ADGRL3: variants seen among roughly 807,000 people sequenced by gnomAD.
The protein encoded by ADGRL3 is calcium-independent alpha-latrotoxin receptor 3.
Under a neutral mutation model 153.5 loss-of-function variants are expected in ADGRL3, and 62 were observed. That is an observed-to-expected ratio of 0.40 (90% confidence interval 0.33 to 0.50). The LOEUF is 0.50. Ranked by LOEUF, ADGRL3 falls within the 20% of genes least tolerant of loss-of-function variation. The probability of loss-of-function intolerance (pLI) is 0.47; values close to 1 mark genes in which losing one functional copy is unlikely to be tolerated. For missense variants in ADGRL3, 1,641 were observed against 1,859.4 expected, an observed-to-expected ratio of 0.88 and a Z score of 2.16; for synonymous variants, 710 against 672.5, an observed-to-expected ratio of 1.06 and a Z score of -0.86.
chr4:62,015,951 G>T (rs1025243882), intron 21 of ADGRL3, among the ~76,000 whole-genome samples: 1 of 151,634 alleles, frequency 6.6e-6, no homozygotes, highest in Non-Finnish European at 1.5e-5. Flanking sequence ...TAAGGTATAC[G>T]CTTTCAAAGT....
intron 8 of ADGRL3, among the ~76,000 whole-genome samples, chr4:61,768,971 G>A (rs2097044945): frequency 6.6e-6 from 1 of 151,738 alleles, no homozygotes; most frequent in Non-Finnish European, 1.5e-5. Context: ...AAGAGGTTGG[G>A]GTGTGGAAAT....
chr4:62,007,381 T>TATATATATATATATATATATAC (rs1553908589), intron 21 of ADGRL3, among the ~76,000 whole-genome samples: 1 of 9,316 alleles, frequency 1.1e-4, no homozygotes, highest in East Asian at 0.012. Flanking sequence ...TATATATATA[T>TATATATATATATATATATATAC]ATACACACAC....
At chr4:61,921,531 C>T (rs999748760) in intron 13 of ADGRL3, among the ~76,000 whole-genome samples, 1 of 152,088 alleles carries the variant, frequency 6.6e-6, no homozygotes, top group African/African-American at 2.4e-5. Context: ...CGCTTCTCTC[C>T]CAAGTAGCTG....
intron 1 of ADGRL3, among the ~76,000 whole-genome samples, chr4:61,263,622 G>A (rs1194519240): frequency 6.6e-6 from 1 of 152,000 alleles, no homozygotes; most frequent in Non-Finnish European, 1.5e-5. Context: ...TAAATGATAT[G>A]TGATGTGCTG....
intron 4 of ADGRL3, among the ~76,000 whole-genome samples, chr4:61,548,851 G>GT (rs1056450878): frequency 6.6e-6 from 1 of 151,534 alleles, no homozygotes; most frequent in Non-Finnish European, 1.5e-5. Context: ...TGGTTCCCTA[G>GT]TTTTTTTTCT....
intron 1 of ADGRL3, among the ~76,000 whole-genome samples, chr4:61,365,816 T>C (rs1322362745): frequency 6.6e-6 from 1 of 152,158 alleles, no homozygotes; most frequent in Non-Finnish European, 1.5e-5. Context: ...CAGAAAAAAA[T>C]GAGAATTTCT....
At chr4:61,539,538 G>C (rs190366271) in intron 4 of ADGRL3, among the ~76,000 whole-genome samples, 1 of 152,296 alleles carries the variant, frequency 6.6e-6, no homozygotes, top group East Asian at 1.9e-4. Flanking sequence ...TTTTTGTAGG[G>C]GATCAGGTGA....
chr4:61,266,391 C>T (rs1578042722), intron 1 of ADGRL3, among the ~76,000 whole-genome samples: 1 of 151,800 alleles, frequency 6.6e-6, no homozygotes, highest in Non-Finnish European at 1.5e-5. Flanking sequence ...GCAGAACAAA[C>T]AGCTGACTTA....
chr4:61,760,112 A>G (rs901562560), intron 8 of ADGRL3, among the ~76,000 whole-genome samples: 1 of 152,130 alleles, frequency 6.6e-6, no homozygotes, highest in African/African-American at 2.4e-5. Flanking sequence ...GGGGTCAGGG[A>G]CCCACTTGAG....
chr4:61,212,953 C>A (rs1740818471), intron 1 of ADGRL3, among the ~76,000 whole-genome samples: 1 of 152,026 alleles, frequency 6.6e-6, no homozygotes, highest in Non-Finnish European at 1.5e-5. Flanking sequence ...TGCTGGGCTG[C>A]AGACAGTAGT....
intron 1 of ADGRL3, among the ~76,000 whole-genome samples, chr4:61,252,823 T>C (rs2091582619): frequency 6.6e-6 from 1 of 152,166 alleles, no homozygotes; most frequent in African/African-American, 2.4e-5. Flanking sequence ...TACTGTCTTC[T>C]GCTCATCATG....
intron 4 of ADGRL3, among the ~76,000 whole-genome samples, chr4:61,544,397 CTT>C: frequency 6.6e-6 from 1 of 152,134 alleles, no homozygotes; most frequent in Non-Finnish European, 1.5e-5. Context: ...TCTTTATAGT[CTT>C]TACCTATTTT....
intron 4 of ADGRL3, among the ~76,000 whole-genome samples, chr4:61,566,520 C>T (rs998950578): frequency 2.0e-5 from 3 of 151,876 alleles, no homozygotes; most frequent in Non-Finnish European, 4.4e-5. Context: ...TTTCCTCTGG[C>T]AGGTTTGTAC....
At position 61,803,545 on chromosome 4, in the gene ADGRL3, G is replaced by A. The variant is rs368261055; in HGVS notation, c.1400-10264G>A. Reference sequence around the variant, plus strand: ...ACTCACTCTTTCTTTGCTTTAGTAAGAGCTACCTTGAAATGTCATGATATT... The same window carrying A: ...ACTCACTCTTTCTTTGCTTTAGTAAAAGCTACCTTGAAATGTCATGATATT... On this transcript the variant is annotated intron_variant, in intron 8 of 26. Coordinates refer to ENST00000683033, the MANE Select transcript of ADGRL3 (RefSeq NM_001387552.1). 7.9e-5 allele frequency among the ~76,000 whole-genome samples: 12 copies of A among 152,078 alleles called. No homozygotes were observed. The East Asian group carries it at 9.7e-4, about 12-fold the overall frequency.
intron 8 of ADGRL3, 131 bp downstream of exon 8, chr4:61,733,685 T>C: frequency 1.5e-6 from 1 of 686,418 alleles, no homozygotes; most frequent in East Asian, 2.7e-5. Context: ...TTCTTTGTCT[T>C]TGCATCTAAA....
chr4:61,328,571 G>A (rs1187164989), intron 1 of ADGRL3, among the ~76,000 whole-genome samples: 1 of 152,056 alleles, frequency 6.6e-6, no homozygotes, highest in African/African-American at 2.4e-5. Context: ...GAAAATAGCT[G>A]CAAGTATAGA....
intron 1 of ADGRL3, among the ~76,000 whole-genome samples, chr4:61,350,261 A>C (rs1267882815): frequency 6.6e-6 from 1 of 151,964 alleles, no homozygotes; most frequent in Non-Finnish European, 1.5e-5. Flanking sequence ...TTGGACTTTG[A>C]ATTCTGTACA....
At chr4:61,892,398 G>T (rs1162906951) in intron 9 of ADGRL3, among the ~76,000 whole-genome samples, 2 of 152,054 alleles carry the variant, frequency 1.3e-5, no homozygotes, top group Admixed American at 6.6e-5. Context: ...TTTTGTTTCT[G>T]GGATTTGAGT....
At chr4:62,009,848 G>T (rs777664219) in intron 21 of ADGRL3, among the ~76,000 whole-genome samples, 2 of 152,038 alleles carry the variant, frequency 1.3e-5, no homozygotes, top group Non-Finnish European at 2.9e-5. Context: ...TTTTGCTCAG[G>T]CCACTACAAA....
Sources: gnomAD v4.1 joint callset for allele counts (sites outside exome capture counted in the v4.1 genomes callset) on GRCh38, gnomAD v4.1.1 for gene constraint, MANE v1.5 for transcripts, NCBI Gene and HGNC (gene_info 2026-07-23, HGNC 2026-07-21) for gene names.